SYNE3: variants seen among roughly 807,000 people sequenced by gnomAD.
The protein encoded by SYNE3 is nesprin-3.
A neutral mutation model predicts 111.2 loss-of-function variants in SYNE3; 100 were observed. That is an observed-to-expected ratio of 0.90 (90% CI 0.77 to 1.06). SYNE3 has a LOEUF of 1.06. SYNE3 is among the 50% of genes least tolerant of loss of function. The pLI, the probability that SYNE3 is intolerant of heterozygous loss-of-function variation, is 0.00. For missense variants in SYNE3, 1,160 were observed against 1,240.3 expected (o/e 0.94, Z 0.97); for synonymous variants, 547 against 533.9 (o/e 1.02, Z -0.34).
At chr14:95,450,257 G>T in intron 7 of SYNE3, 152 bp from the exon 8 acceptor site, 1 of 863,112 alleles carries the variant, frequency 1.2e-6, no homozygotes, top group Non-Finnish European at 1.7e-6. Context: ...GTCTGCAGCA[G>T]TAGACAGAAG....
intron 1 of SYNE3, among the ~76,000 whole-genome samples, chr14:95,481,101 A>G (rs534917635): frequency 1.3e-5 from 2 of 152,300 alleles, no homozygotes; most frequent in Admixed American, 1.3e-4. Flanking sequence ...GGGGCACAGG[A>G]GCGGCTGTTA....
Position 95,455,512 on chromosome 14 carries a change from C to T in SYNE3, c.1002G>A (p.Glu334=). ...RGLLRSRGAW[E]QQIKQLEAEL... is the part of the protein sequence containing the mutation. Reference sequence around the variant, plus strand: ...CAGCCTCCAGCTGCTTAATCTGCTGCTCCCAGGCTCCCCTGGACCGGAGCA... The same window carrying T: ...CAGCCTCCAGCTGCTTAATCTGCTGTTCCCAGGCTCCCCTGGACCGGAGCA... Residue 334 remains glutamate (E), a synonymous_variant, in exon 6 of 18, where the codon GAG becomes GAA. Transcript: ENST00000682763. 1 of 1,613,850 alleles carries T rather than the reference C, an allele frequency of 6.2e-7. No individual in the cohort carries two copies. Among genetic ancestry groups the T allele is most frequent in the Admixed American group, 1.7e-5 (1 of 60,030 alleles).
chr14:95,448,801 CAAGGGTGA>C (rs1566966801), intron 8 of SYNE3, among the ~76,000 whole-genome samples: 3 of 152,230 alleles, frequency 2.0e-5, no homozygotes. Context: ...GTAGTGTACC[CAAGGGTGA>C]GCAGGGGCCA....
At chr14:95,480,956 G>T (rs545078074) in intron 1 of SYNE3, among the ~76,000 whole-genome samples, 14 of 152,320 alleles carry the variant, frequency 9.2e-5, no homozygotes, top group African/African-American at 3.4e-4. Context: ...TGAGCTCTGT[G>T]GCCCATTAGC....
At chr14:95,484,329 G>T (rs567685273) in intron 1 of SYNE3, among the ~76,000 whole-genome samples, 13 of 152,316 alleles carry the variant, frequency 8.5e-5, no homozygotes, top group African/African-American at 3.1e-4. Context: ...TCCAAGGGGT[G>T]GGGCCTTAGC....
chr14:95,444,276 T>C (rs1012722328), intron 10 of SYNE3: 3 of 560,326 alleles, frequency 5.4e-6, no homozygotes, highest in Non-Finnish European at 8.8e-6. Flanking sequence ...GTCATTTTGC[T>C]GAGCTCAAGA....
rs537127977 is a variant in SYNE3 at position 95,444,103 on chromosome 14, C to T, written c.1776+382G>A. ...TCCTTATCCAGCCAACAATGATCAACGGTCAGCCTACTTACAGTCCACGTT... is the reference window on the plus strand; with the variant it reads ...TCCTTATCCAGCCAACAATGATCAATGGTCAGCCTACTTACAGTCCACGTT... On this transcript the variant is annotated intron_variant, in intron 10 of 17. Transcript: ENST00000682763. 15 of 266,792 alleles carry T rather than the reference C, an allele frequency of 5.6e-5. No individual in the cohort carries two copies. The South Asian group carries it at 8.3e-4, about 15-fold the overall frequency. 16.5% of individuals were successfully genotyped at this position (266,792 alleles called of 1,614,324 possible).
chr14:95,489,742 C>T (rs1376176328), intron 1 of SYNE3, among the ~76,000 whole-genome samples: 7 of 146,254 alleles, frequency 4.8e-5, no homozygotes, highest in Admixed American at 2.0e-4. Flanking sequence ...AGCCACCATG[C>T]CTGGCTTATT....
intron 1 of SYNE3, among the ~76,000 whole-genome samples, chr14:95,505,110 C>T (rs988855887): frequency 3.9e-5 from 6 of 152,240 alleles, no homozygotes; most frequent in Non-Finnish European, 8.8e-5. Flanking sequence ...ACTCCCTTCC[C>T]GCCATGGCTT....
chr14:95,462,860 T>C (rs950470466), intron 4 of SYNE3, among the ~76,000 whole-genome samples: 4 of 152,180 alleles, frequency 2.6e-5, no homozygotes, highest in Middle Eastern at 3.2e-3. Flanking sequence ...TTTTTTAATC[T>C]AAAAAATTAG....
intron 15 of SYNE3, among the ~76,000 whole-genome samples, chr14:95,433,640 G>T (rs1699299515): frequency 6.6e-6 from 1 of 152,242 alleles, no homozygotes; most frequent in Non-Finnish European, 1.5e-5. Context: ...CTGGGCTGCA[G>T]ACCTCCAGTG....
chr14:95,457,453 G>A (rs1595214217), intron 4 of SYNE3, 115 bp from the exon 5 acceptor site: 5 of 1,238,078 alleles, frequency 4.0e-6, no homozygotes, highest in Middle Eastern at 2.3e-4. Flanking sequence ...TGTTAGCAGG[G>A]GGTGCAACCA....
At chr14:95,442,120 G>C (rs961256147) in intron 11 of SYNE3, among the ~76,000 whole-genome samples, 1 of 152,236 alleles carries the variant, frequency 6.6e-6, no homozygotes, top group Admixed American at 6.5e-5. Flanking sequence ...CTTTGTGTAA[G>C]TGGATGGAAG....
chr14:95,462,160 A>G (rs968542056), intron 4 of SYNE3, among the ~76,000 whole-genome samples: 3 of 151,882 alleles, frequency 2.0e-5, no homozygotes, highest in Admixed American at 6.6e-5. Context: ...AGAAATGCAC[A>G]CTCATACCTT....
intron 1 of SYNE3, among the ~76,000 whole-genome samples, chr14:95,490,807 G>A (rs991108162): frequency 3.2e-4 from 48 of 152,232 alleles, no homozygotes; most frequent in African/African-American, 1.1e-3. Flanking sequence ...TGGCCCTATC[G>A]GCAAAGCCAT....
chr14:95,433,403 C>T lies in SYNE3; in HGVS notation c.2545G>A (p.Glu849Lys), dbSNP rs761615747. ...TGCTGACCTTCTGGCACCCGAGCCT[C>T]CAGCTCCTGGGGGAAACAGCAGCGT... Reference protein sequence around the residue: ...RTRKSKLQELEARVPEGQHLF... With the variant: ...RTRKSKLQELKARVPEGQHLF... Residue 849 changes from glutamate to lysine, a missense_variant, in exon 16 of 18, where the codon GAG (glutamate) becomes AAG (lysine). Transcript: ENST00000682763. 1 of 1,614,004 alleles carries T rather than the reference C, an allele frequency of 6.2e-7. No homozygotes were observed. Among genetic ancestry groups the T allele is most frequent in the Non-Finnish European group, 8.5e-7 (1 of 1,179,934 alleles).
chr14:95,409,786 G>GCA lies in SYNE3; in HGVS notation c.*8039_*8040insTG. 1 of 226,136 alleles carries GCA rather than the reference G, an allele frequency of 4.4e-6. No homozygotes were observed. 14.0% of individuals were successfully genotyped at this position (226,136 alleles called of 1,614,324 possible). The stretch of plus-strand genomic sequence containing the variant: ...TGGTTTTAAGTCCTCTTTGACTCTG[G>GCA]GCCTCTGCTGAAGCAGCCTGCAGGC... On this transcript the variant is annotated 3_prime_UTR_variant, in exon 18 of 18. Transcript: ENST00000682763.
chr14:95,510,112 G>C (rs969283586), intron 1 of SYNE3, among the ~76,000 whole-genome samples: 1 of 152,204 alleles, frequency 6.6e-6, no homozygotes, highest in African/African-American at 2.4e-5. Context: ...CTCTGGGCAT[G>C]TACATGAGCG....
chr14:95,464,375 G>A (rs1441297241), intron 4 of SYNE3, among the ~76,000 whole-genome samples: 1 of 152,164 alleles, frequency 6.6e-6, no homozygotes, highest in Non-Finnish European at 1.5e-5. Flanking sequence ...GAGACTTTGG[G>A]CTCAGAGGCA....
Sources: gnomAD v4.1 joint callset for allele counts (sites outside exome capture counted in the v4.1 genomes callset) on GRCh38, gnomAD v4.1.1 for gene constraint, MANE v1.5 for transcripts, NCBI Gene and HGNC (gene_info 2026-07-23, HGNC 2026-07-21) for gene names.